Variants in ZNF354A observed in about 807,000 individuals in gnomAD.
ZNF354A encodes zinc finger protein 354A.
In ZNF354A, 25 loss-of-function variants were observed where a neutral mutation model predicts 53.3. That is an observed-to-expected ratio of 0.47 (90% CI 0.34 to 0.66). ZNF354A has a LOEUF of 0.66. ZNF354A is among the 30% of genes least tolerant of loss of function. ZNF354A has a pLI of 0.01. For synonymous variants in ZNF354A, 228 were observed against 249.0 expected, an observed-to-expected ratio of 0.92 and a Z score of 0.79; for missense variants, 586 against 716.8, an observed-to-expected ratio of 0.82 and a Z score of 2.08.
rs56407624 is a variant in ZNF354A, at chr5:178,711,656, A to ATTCATTTGTAT, written c.*403_*404insATACAAATGAA. 0.25 allele frequency: 39,179 copies of ATTCATTTGTAT among 156,976 alleles called. 5,376 individuals are homozygous for ATTCATTTGTAT. The highest frequency in any genetic ancestry group is 0.39 in the South Asian group (2,003 of 5,084). 9.7% of individuals were successfully genotyped at this position (156,976 alleles called of 1,614,324 possible). A position where few individuals can be genotyped will look rare whatever the true frequency, so the allele number is the denominator to read the frequency against. ...TCTCTAAAAAGGTACAATTTGATCA[A>ATTCATTTGTAT]GCTATTAAAATGCTATAAAAATATT... is the stretch of plus-strand genomic sequence containing the variant. On this transcript the variant is annotated 3_prime_UTR_variant, in exon 5 of 5. Transcript: ENST00000335815.
In ZNF354A at chr5:178,713,397, T is replaced by G; in HGVS notation, c.481A>C (p.Asn161His). 2 of 1,613,892 alleles carry G rather than the reference T, an allele frequency of 1.2e-6. No individual in the cohort carries two copies. Among genetic ancestry groups the G allele is most frequent in the Non-Finnish European group, 1.7e-6 (2 of 1,179,966 alleles). ...KIPTIERSHK[N>H]TELSQNFSPK... The stretch of plus-strand genomic sequence containing the variant: ...CTGAAGTTTTGGCTCAATTCAGTAT[T>G]TTTATGGCTTCTTTCTATAGTGGGG... Residue 161 changes from asparagine to histidine, a missense_variant, in exon 5 of 5, where the codon AAT becomes CAT. Asn to His is a moderately conservative substitution (Grantham distance 68). This residue lies in a region of ZNF354A where 573 missense variants were observed against 680.1 expected (regional missense o/e 0.84). Coordinates refer to ENST00000335815, the MANE Select transcript of ZNF354A (RefSeq NM_005649.3).
At chr5:178,719,903 C>T (rs574707582) in intron 4 of ZNF354A, among the ~76,000 whole-genome samples, 141 of 151,448 alleles carry the variant, frequency 9.3e-4, no homozygotes, top group African/African-American at 3.1e-3. Flanking sequence ...GCCGAGATCC[C>T]GCCACCGCAC....
intron 4 of ZNF354A, among the ~76,000 whole-genome samples, chr5:178,715,958 G>A (rs190827744): frequency 2.7e-5 from 4 of 150,696 alleles, no homozygotes; most frequent in Non-Finnish European, 5.9e-5. Context: ...GTGCAGTGGC[G>A]CGACCTCGGC....
chr5:178,715,654 G>A (rs1405198315), intron 4 of ZNF354A, among the ~76,000 whole-genome samples: 3 of 152,056 alleles, frequency 2.0e-5, no homozygotes, highest in Non-Finnish European at 4.4e-5. Flanking sequence ...CTTAATATAT[G>A]TGCTGGGAAG....
chr5:178,718,556 T>G (rs1415192127), intron 4 of ZNF354A, among the ~76,000 whole-genome samples: 3 of 152,242 alleles, frequency 2.0e-5, no homozygotes, highest in Non-Finnish European at 4.4e-5. Context: ...GAATTTCCAC[T>G]TGTGTATCTT....
chr5:178,714,016 T>C (rs1765672490), intron 4 of ZNF354A, among the ~76,000 whole-genome samples: 1 of 151,366 alleles, frequency 6.6e-6, no homozygotes, highest in Non-Finnish European at 1.5e-5. Context: ...CTTCTTTGTG[T>C]AATTTTTTTT....
rs771323510 is a variant in ZNF354A, at chr5:178,712,944, C to A, written c.934G>T (p.Gly312Cys). The A allele has an allele frequency of 5.6e-6, 9 of 1,613,876 alleles. No individual in the cohort carries two copies. Among genetic ancestry groups the A allele is most frequent in the Non-Finnish European group, 5.9e-6 (7 of 1,180,002 alleles). Residue 312 changes from glycine (G) to cysteine (C), a missense_variant, in exon 5 of 5, where the codon GGC becomes TGC. Around this residue, in one of 2 missense-constraint regions of ZNF354A, gnomAD observed 573 missense variants for 680.1 expected, o/e 0.84. Transcript: ENST00000335815. ...ECGKSFSRRS[G>C]LFIHQKIHAE... ...TGAATTTTTTGATGTATAAAAAGGCCTGACCTTCGGCTGAAGGATTTACCA... is the reference window on the plus strand; with the variant it reads ...TGAATTTTTTGATGTATAAAAAGGCATGACCTTCGGCTGAAGGATTTACCA...
chr5:178,727,905 C>A (rs1460094748), intron 2 of ZNF354A, among the ~76,000 whole-genome samples: 2 of 151,960 alleles, frequency 1.3e-5, no homozygotes, highest in Non-Finnish European at 2.9e-5. Context: ...GGCTGGAGTG[C>A]AATGGCATGA....
chr5:178,722,428 T>TCCTA (rs373230804), intron 4 of ZNF354A, among the ~76,000 whole-genome samples: 5 of 152,214 alleles, frequency 3.3e-5, no homozygotes, highest in African/African-American at 1.2e-4. Flanking sequence ...CTTCTAGTGT[T>TCCTA]CCTATCTCAC....
At position 178,718,085 on chromosome 5, in the gene ZNF354A, G is replaced by A. The variant is rs539676964; in HGVS notation, c.257-4464C>T. On this transcript the variant is annotated intron_variant, in intron 4 of 4. Transcript: ENST00000335815. Reference sequence around the variant, plus strand: ...TTTTTAATGGATATGATTACGACTCGGAAGTCCATTATCAATTCTGGAAAA... The same window carrying A: ...TTTTTAATGGATATGATTACGACTCAGAAGTCCATTATCAATTCTGGAAAA... 1.2e-4 allele frequency among the ~76,000 whole-genome samples: 18 copies of A among 152,184 alleles called. 1 individual carries two copies. Among genetic ancestry groups the A allele is most frequent in the Middle Eastern group, 3.4e-3 (1 of 294 alleles).
intron 1 of ZNF354A, 170 bp from the exon 2 acceptor site, chr5:178,729,243 A>AGGCCCC (rs1474470103): frequency 5.1e-6 from 3 of 583,900 alleles, no homozygotes; most frequent in South Asian, 2.0e-5. Context: ...GGCCAGGCCC[A>AGGCCCC]GGCCCCACAG....
chr5:178,724,807 T>G (rs569371510), intron 4 of ZNF354A, among the ~76,000 whole-genome samples: 1 of 152,226 alleles, frequency 6.6e-6, no homozygotes, highest in Non-Finnish European at 1.5e-5. Flanking sequence ...CTGTAACTTT[T>G]TGGGAGCTCT....
intron 4 of ZNF354A, 22 bp downstream of exon 4, chr5:178,725,354 G>C (rs73804466): frequency 6.2e-7 from 1 of 1,608,842 alleles, no homozygotes; most frequent in African/African-American, 1.3e-5. Flanking sequence ...CGGCCATTCC[G>C]CACCTCGGGC....
Position 178,712,125 on chromosome 5 carries a change from T to G in ZNF354A, c.1753A>C (p.Lys585Gln). Residue 585 changes from lysine to glutamine, a missense_variant, in exon 5 of 5, where the codon AAA (lysine) becomes CAA (glutamine). Physicochemically the swap from Lys to Gln is moderately conservative, Grantham distance 53. Around this residue, in one of 2 missense-constraint regions of ZNF354A, gnomAD observed 573 missense variants for 680.1 expected, o/e 0.84. Coordinates refer to ENST00000335815, the MANE Select transcript of ZNF354A (RefSeq NM_005649.3). ...EKPYECNTCGKLFNHRSSLTN... is the reference protein window; with the variant it reads ...EKPYECNTCGQLFNHRSSLTN... ...AGGGATGACCTATGGTTGAAAAGTT[T>G]CCCACATGTATTACATTCATAGGGT... The G allele has an allele frequency of 1.2e-6, 2 of 1,613,550 alleles. No homozygotes were observed. Among genetic ancestry groups the G allele is most frequent in the Non-Finnish European group, 1.7e-6 (2 of 1,179,604 alleles).
intron 3 of ZNF354A, among the ~76,000 whole-genome samples, chr5:178,726,769 T>TAG (rs1007900238): frequency 6.6e-6 from 1 of 152,166 alleles, no homozygotes; most frequent in African/African-American, 2.4e-5. Context: ...TGTGATTACA[T>TAG]AGAGAGAGAG....
chr5:178,720,588 CAG>C (rs1353548373), intron 4 of ZNF354A, among the ~76,000 whole-genome samples: 3 of 152,212 alleles, frequency 2.0e-5, no homozygotes, highest in African/African-American at 7.2e-5. Context: ...GAATTCTATG[CAG>C]AGTCTCAGAG....
chr5:178,712,105 T>C lies in ZNF354A; in HGVS notation c.1773A>G (p.Ser591=). ...GAATTTTATAATGATTAGTAAGGGA[T>C]GACCTATGGTTGAAAAGTTTCCCAC... ...NTCGKLFNHR[S]SLTNHYKIHI... Residue 591 remains serine, a synonymous_variant, in exon 5 of 5, where the codon TCA becomes TCG. Coordinates refer to ENST00000335815, the MANE Select transcript of ZNF354A (RefSeq NM_005649.3). 1 of 1,611,354 alleles carries C rather than the reference T, an allele frequency of 6.2e-7. No individual in the cohort carries two copies. Among genetic ancestry groups the C allele is most frequent in the Middle Eastern group, 1.7e-4 (1 of 6,010 alleles).
chr5:178,729,774 T>C (rs957427638), intron 1 of ZNF354A, among the ~76,000 whole-genome samples: 1 of 151,962 alleles, frequency 6.6e-6, no homozygotes. Context: ...CTCGAACTCC[T>C]GATCTCAGGT....
Position 178,727,482 on chromosome 5 carries a change from A to G in ZNF354A, c.34-357T>C, listed in dbSNP as rs149972795. 1.3e-3 allele frequency among the ~76,000 whole-genome samples: 205 copies of G among 152,362 alleles called. 1 individual carries two copies. Among genetic ancestry groups the G allele is most frequent in the African/African-American group, 4.5e-3 (188 of 41,592 alleles). On this transcript the variant is annotated intron_variant, in intron 2 of 4. Transcript: ENST00000335815. ...TTTGTACGATAATGAACAGTGCACA[A>G]AAGTACACACAAACATATTCATGGT...
Sources: gnomAD v4.1 joint callset for allele counts (sites outside exome capture counted in the v4.1 genomes callset) on GRCh38, gnomAD v4.1.1 for gene constraint, gnomAD v4.1.1 regional missense constraint, MANE v1.5 for transcripts, NCBI Gene and HGNC (gene_info 2026-07-23, HGNC 2026-07-21) for gene names.